Variants in SLCO2A1 observed in about 807,000 individuals in gnomAD.
SLCO2A1 encodes the protein matrin F/G 1.
SLCO2A1 carries 60 observed loss-of-function variants against 71.7 expected under a neutral mutation model. The ratio of observed to expected loss-of-function variants is 0.84; its 90% CI spans 0.68 to 1.04. SLCO2A1 has a LOEUF of 1.04. Among genes scored for constraint, SLCO2A1 ranks in the 50% least tolerant of loss-of-function variants. The pLI, the probability that SLCO2A1 is intolerant of heterozygous loss-of-function variation, is 0.00. For missense variants in SLCO2A1, 745 were observed against 813.4 expected, an observed-to-expected ratio of 0.92 and a Z score of 1.02; for synonymous variants, 308 against 326.7, an observed-to-expected ratio of 0.94 and a Z score of 0.62.
At chr3:133,986,821 G>A (rs891262257) in intron 1 of SLCO2A1, among the ~76,000 whole-genome samples, 8 of 152,188 alleles carry the variant, frequency 5.3e-5, no homozygotes, top group African/African-American at 1.9e-4. Context: ...CCACAGCTCA[G>A]GATGAAGGAG....
chr3:133,972,078 C>T (rs1308951786), intron 3 of SLCO2A1, among the ~76,000 whole-genome samples: 3 of 151,966 alleles, frequency 2.0e-5, no homozygotes, highest in African/African-American at 4.8e-5. Context: ...CTAGAACGAT[C>T]TGAAAAAGAG....
At chr3:133,998,663 C>G (rs778475189) in intron 1 of SLCO2A1, 2 of 152,284 alleles carry the variant, frequency 1.3e-5, no homozygotes, top group Admixed American at 6.5e-5. Flanking sequence ...CCTCTCCTTC[C>G]TCTCGAAGCT....
chr3:133,948,770 G>A, intron 7 of SLCO2A1, 70 bp from the exon 8 acceptor site: 1 of 1,595,764 alleles, frequency 6.3e-7, no homozygotes, highest in South Asian at 1.1e-5. Flanking sequence ...GGATGGGCCA[G>A]TTACAGGCCC....
At chr3:133,953,514 C>T (rs571995078) in intron 5 of SLCO2A1, 149 bp downstream of exon 5, 16 of 634,404 alleles carry the variant, frequency 2.5e-5, no homozygotes, top group African/African-American at 2.4e-4. Context: ...CCTGGCTCTC[C>T]GAGGGACTGC....
At chr3:134,009,677 C>T (rs1398872831) in intron 1 of SLCO2A1, among the ~76,000 whole-genome samples, 2 of 152,182 alleles carry the variant, frequency 1.3e-5, no homozygotes, top group Non-Finnish European at 2.9e-5. Context: ...AGGGAATGCG[C>T]AAAGAAAGAG....
chr3:134,000,624 A>T (rs1935087497), intron 1 of SLCO2A1, among the ~76,000 whole-genome samples: 1 of 152,180 alleles, frequency 6.6e-6, no homozygotes, highest in Admixed American at 6.5e-5. Context: ...AGGCAGCCTC[A>T]CTTCTGTCAA....
intron 3 of SLCO2A1, among the ~76,000 whole-genome samples, chr3:133,964,943 G>C (rs914101619): frequency 3.3e-5 from 5 of 152,198 alleles, no homozygotes; most frequent in Non-Finnish European, 4.4e-5. Flanking sequence ...CATCAGAGCT[G>C]GTTCTTTAGT....
At chr3:134,021,951 G>A (rs1174292009) in intron 1 of SLCO2A1, among the ~76,000 whole-genome samples, 1 of 147,426 alleles carries the variant, frequency 6.8e-6, no homozygotes, top group Non-Finnish European at 1.5e-5. Context: ...TGGCCCAAAT[G>A]CATTCAATCT....
intron 12 of SLCO2A1, among the ~76,000 whole-genome samples, chr3:133,937,514 C>T (rs1429988026): frequency 6.6e-6 from 1 of 152,196 alleles, no homozygotes; most frequent in Non-Finnish European, 1.5e-5. Context: ...ACCAATACAT[C>T]TCAAAATGGG....
At chr3:133,982,777 C>T (rs1034284895) in intron 1 of SLCO2A1, among the ~76,000 whole-genome samples, 4 of 152,056 alleles carry the variant, frequency 2.6e-5, no homozygotes, top group African/African-American at 9.7e-5. Flanking sequence ...CCTGCTTGCT[C>T]CTCTCAAATC....
intron 1 of SLCO2A1, among the ~76,000 whole-genome samples, chr3:134,008,627 C>T (rs1222853824): frequency 6.6e-6 from 1 of 152,138 alleles, no homozygotes; most frequent in East Asian, 1.9e-4. Context: ...GTCCTCACCA[C>T]CTCACCCTCA....
At chr3:134,020,228 G>C (rs536500718) in intron 1 of SLCO2A1, among the ~76,000 whole-genome samples, 1 of 152,116 alleles carries the variant, frequency 6.6e-6, no homozygotes, top group African/African-American at 2.4e-5. Flanking sequence ...CTCACTTAGC[G>C]AGCTCGGCTC....
chr3:133,948,673 AG>A lies in SLCO2A1; in HGVS notation c.967del (p.Leu323Ter). The A allele has an allele frequency of 6.2e-7, 1 of 1,614,104 alleles. No individual in the cohort carries two copies. Among genetic ancestry groups the A allele is most frequent in the Non-Finnish European group, 8.5e-7 (1 of 1,179,984 alleles). ...KRFPCIFLRL[L>X]MNSLFVLVVL... ...CACCAGGACGAAGAGTGAGTTCATC[AG>A]GAGCCTCAGAAAGATGCATGGAAAC... On this transcript the variant is annotated frameshift_variant, in exon 8 of 14. Coordinates refer to ENST00000310926, the MANE Select transcript of SLCO2A1 (RefSeq NM_005630.3). LOFTEE classifies it high-confidence loss of function.
intron 2 of SLCO2A1, among the ~76,000 whole-genome samples, chr3:133,979,071 G>A (rs1183546651): frequency 1.3e-5 from 2 of 152,156 alleles, no homozygotes; most frequent in Non-Finnish European, 2.9e-5. Context: ...CTATGTATGG[G>A]GCAGGGGCCC....
Position 133,979,503 on chromosome 3 carries a change from C to T in SLCO2A1, c.212G>A (p.Gly71Asp), listed in dbSNP as rs1460856296. 1 of 1,614,176 alleles carries T rather than the reference C, an allele frequency of 6.2e-7. No individual in the cohort carries two copies. Among genetic ancestry groups the T allele is most frequent in the Non-Finnish European group, 8.5e-7 (1 of 1,180,024 alleles). Residue 71 changes from glycine to aspartate, a missense_variant, in exon 2 of 14, where the codon GGT (glycine) becomes GAT (aspartate). Physicochemically the swap from Gly to Asp is moderately conservative, Grantham distance 94 (BLOSUM62 -1). Transcript: ENST00000310926. ...CACCTCATTCAAGCTGGAAATGAGA[C>T]CCGATGAAGAACTGGAGAGCCCAAA... ...KRFGLSSSSS[G>D]LISSLNEISN... is the part of the protein sequence containing the mutation.
chr3:134,020,534 A>G (rs1201718918), intron 1 of SLCO2A1, among the ~76,000 whole-genome samples: 2 of 152,234 alleles, frequency 1.3e-5, no homozygotes, highest in Non-Finnish European at 2.9e-5. Flanking sequence ...AGGCCCCCAT[A>G]GAGGAGCAAC....
chr3:133,973,681 A>G lies in SLCO2A1; in HGVS notation c.379T>C (p.Tyr127His), dbSNP rs754606083. The G allele has an allele frequency of 4.2e-5, 67 of 1,613,836 alleles. 1 individual carries two copies. In the South Asian group the frequency reaches 6.5e-4, roughly 16 times the overall value. The change falls in exon 3 of 14, where the codon TAC (tyrosine) becomes CAC (histidine). Residue 127 changes from tyrosine (Y) to histidine (H), a missense_variant. Tyr to His is a moderately conservative substitution (Grantham distance 83, BLOSUM62 2). Coordinates refer to ENST00000310926, the MANE Select transcript of SLCO2A1 (RefSeq NM_005630.3). ...CACTCACCAGTGCTGGCCAAGGTGT[A>G]CTGGTAGGGCTCGGAGAGGAAGTGT... ...LPHFLSEPYQ[Y>H]TLASTGNNSR...
chr3:133,979,721 C>T (rs2108058481), intron 1 of SLCO2A1, 103 bp from the exon 2 acceptor site: 1 of 1,306,574 alleles, frequency 7.7e-7, no homozygotes, highest in Non-Finnish European at 1.0e-6. Flanking sequence ...TGTTTCCTCG[C>T]CTGTTATCTA....
chr3:133,943,585 A>AT (rs895376224), intron 10 of SLCO2A1, among the ~76,000 whole-genome samples: 4 of 151,460 alleles, frequency 2.6e-5, no homozygotes, highest in African/African-American at 7.3e-5. Flanking sequence ...TTTTTTAGAG[A>AT]TTTTTTTTCT....
Sources: gnomAD v4.1 joint callset for allele counts (sites outside exome capture counted in the v4.1 genomes callset) on GRCh38, gnomAD v4.1.1 for gene constraint, MANE v1.5 for transcripts, NCBI Gene and HGNC (gene_info 2026-07-23, HGNC 2026-07-21) for gene names.